The following HEXB variants were observed in gnomAD, a reference collection of about 807,000 sequenced individuals.
HEXB encodes beta-hexosaminidase subunit beta.
HEXB carries 51 observed loss-of-function variants against 71.2 expected under a neutral mutation model. The ratio of observed to expected loss-of-function variants is 0.72; its 90% CI spans 0.57 to 0.90. The LOEUF is 0.90. Among genes scored for constraint, HEXB ranks in the 40% least tolerant of loss-of-function variants. The pLI, the probability that HEXB is intolerant of heterozygous loss-of-function variation, is 0.00. For synonymous variants in HEXB, 266 were observed against 249.3 expected, an observed-to-expected ratio of 1.07 and a Z score of -0.63; for missense variants, 617 against 677.0, an observed-to-expected ratio of 0.91 and a Z score of 0.98.
At chr5:74,653,727 CCTT>C (rs887195448) in intron 1 of HEXB, among the ~76,000 whole-genome samples, 2 of 152,160 alleles carry the variant, frequency 1.3e-5, no homozygotes, top group African/African-American at 4.8e-5. Context: ...TGACTGAAAT[CCTT>C]CTGTCAAAAT....
upstream of HEXB, among the ~76,000 whole-genome samples, chr5:74,683,791 G>A (rs113465010): frequency 1.6e-3 from 242 of 151,102 alleles, no homozygotes; most frequent in African/African-American, 5.1e-3. Flanking sequence ...CATTTTCTGA[G>A]GCCCAATAAT....
chr5:74,642,266 ATATT>A (rs1747912390), intron 1 of HEXB, among the ~76,000 whole-genome samples: 2 of 152,082 alleles, frequency 1.3e-5, no homozygotes, highest in Non-Finnish European at 2.9e-5. Flanking sequence ...TTCAATATAT[ATATT>A]TTTTAATGCA....
rs1554036943 is a variant in HEXB, at chr5:74,718,943, C to G, written c.1389C>G (p.Tyr463Ter). 1 of 1,614,090 alleles carries G rather than the reference C, an allele frequency of 6.2e-7. No individual in the cohort carries two copies. Among genetic ancestry groups the G allele is most frequent in the Non-Finnish European group, 8.5e-7 (1 of 1,179,986 alleles). ...GCTATGGACAAGATTGGAGGAAATA[C>G]TATAAAGTGGAACCTCTTGATTTTG... ...LISYGQDWRK[Y>*]YKVEPLDFGG... The change falls in exon 11 of 14, where the codon TAC becomes TAG. Residue 463 changes from tyrosine to a stop codon, truncating the protein, a stop_gained. Transcript: ENST00000261416. LOFTEE classifies it high-confidence loss of function.
intron 5 of HEXB, among the ~76,000 whole-genome samples, chr5:74,703,686 G>A (rs551774855): frequency 6.6e-6 from 1 of 151,988 alleles, no homozygotes; most frequent in Non-Finnish European, 1.5e-5. Flanking sequence ...CAAACATGGG[G>A]TTTTGGTCTC....
intron 11 of HEXB, 54 bp from the exon 12 acceptor site, chr5:74,720,374 G>A: frequency 1.6e-6 from 2 of 1,221,098 alleles, no homozygotes; most frequent in South Asian, 1.2e-5. Flanking sequence ...ATGAAATATT[G>A]CCTCTGTGTA....
chr5:74,710,312 C>G (rs1749508909), intron 6 of HEXB, among the ~76,000 whole-genome samples: 2 of 151,606 alleles, frequency 1.3e-5, no homozygotes, highest in African/African-American at 4.8e-5. Context: ...CTATCTATGA[C>G]AAACCCCCAG....
At chr5:74,717,461 G>A (rs2112178361) in intron 9 of HEXB, among the ~76,000 whole-genome samples, 1 of 145,826 alleles carries the variant, frequency 6.9e-6, no homozygotes, top group East Asian at 2.0e-4. Context: ...GCTAGTGACT[G>A]CCATACTGAA....
At chr5:74,673,398 C>T (rs1036156214) in intron 1 of HEXB, among the ~76,000 whole-genome samples, 2 of 152,166 alleles carry the variant, frequency 1.3e-5, no homozygotes, top group Middle Eastern at 3.2e-3. Flanking sequence ...TCAGGAGCTC[C>T]GTCCCTGCCA....
intron 8 of HEXB, among the ~76,000 whole-genome samples, chr5:74,716,016 CAAAAAAAA>C (rs71600435): frequency 9.2e-5 from 6 of 64,866 alleles, no homozygotes; most frequent in Admixed American, 5.7e-4. Context: ...GACTCCATCT[CAAAAAAAA>C]AAAAAAAAAA....
At chr5:74,716,847 G>A in intron 9 of HEXB, 174 bp downstream of exon 9, 1 of 515,808 alleles carries the variant, frequency 1.9e-6, no homozygotes, top group South Asian at 2.1e-5. Flanking sequence ...GTGACTCCAA[G>A]TATTTTCCAA....
chr5:74,679,081 T>G (rs185280068), intron 1 of HEXB, among the ~76,000 whole-genome samples: 77 of 152,356 alleles, frequency 5.1e-4, no homozygotes, highest in Admixed American at 1.2e-3. Flanking sequence ...GTACATATCT[T>G]AAGCCTTGGT....
At chr5:74,710,805 A>G (rs1749522218) in intron 6 of HEXB, among the ~76,000 whole-genome samples, 1 of 152,176 alleles carries the variant, frequency 6.6e-6, no homozygotes, top group Admixed American at 6.5e-5. Context: ...AAATGGAAGA[A>G]AATTCCATGC....
chr5:74,658,430 G>C (rs909326074), intron 1 of HEXB, among the ~76,000 whole-genome samples: 2 of 152,200 alleles, frequency 1.3e-5, no homozygotes, highest in African/African-American at 4.8e-5. Context: ...GGCAGGGCCT[G>C]GACCCACCAG....
upstream of HEXB, among the ~76,000 whole-genome samples, chr5:74,682,165 T>C (rs1278221986): frequency 3.9e-5 from 6 of 152,242 alleles, no homozygotes; most frequent in Non-Finnish European, 8.8e-5. Flanking sequence ...GAGACCATCC[T>C]GGCTAACACG....
chr5:74,664,427 C>A (rs1748393241), intron 1 of HEXB, among the ~76,000 whole-genome samples: 1 of 51,224 alleles, frequency 2.0e-5, no homozygotes. Flanking sequence ...AAGATTCTAT[C>A]TCTAAAAAAA....
At chr5:74,687,505 TAAAC>T (rs1284716641) in intron 1 of HEXB, among the ~76,000 whole-genome samples, 2 of 152,192 alleles carry the variant, frequency 1.3e-5, no homozygotes, top group Admixed American at 6.5e-5. Flanking sequence ...TTTTTAAAAA[TAAAC>T]AAATAGCTTC....
At chr5:74,668,849 G>T (rs993659854) in intron 1 of HEXB, among the ~76,000 whole-genome samples, 1 of 152,202 alleles carries the variant, frequency 6.6e-6, no homozygotes, top group African/African-American at 2.4e-5. Context: ...CAGAAACTGA[G>T]ACTAAACATT....
intron 1 of HEXB, among the ~76,000 whole-genome samples, chr5:74,646,522 G>A (rs1272336301): frequency 6.6e-6 from 1 of 151,032 alleles, no homozygotes; most frequent in Non-Finnish European, 1.5e-5. Flanking sequence ...TTCCTGTTTT[G>A]TACTGGGACC....
intron 1 of HEXB, among the ~76,000 whole-genome samples, chr5:74,669,026 A>G (rs776797370): frequency 2.0e-5 from 3 of 152,136 alleles, no homozygotes; most frequent in Non-Finnish European, 4.4e-5. Flanking sequence ...CAACAGCACA[A>G]TCTCGGCTCA....
Sources: gnomAD v4.1 joint callset for allele counts (sites outside exome capture counted in the v4.1 genomes callset) on GRCh38, gnomAD v4.1.1 for gene constraint, MANE v1.5 for transcripts, NCBI Gene and HGNC (gene_info 2026-07-23, HGNC 2026-07-21) for gene names.